Variants in ASTN2 observed in about 807,000 individuals in gnomAD.
ASTN2 encodes astrotactin 2, also known as astrotactin-2.
Under a neutral mutation model 139.8 loss-of-function variants are expected in ASTN2, and 54 were observed. The ratio of observed to expected loss-of-function variants is 0.39; its 90% confidence interval spans 0.31 to 0.48. The LOEUF (loss-of-function observed/expected upper bound fraction) is 0.48. Among genes scored for constraint, ASTN2 ranks in the 20% least tolerant of loss-of-function variants. The pLI is 0.95. For missense variants in ASTN2, 1,565 were observed against 1,725.1 expected (o/e 0.91, Z 1.64); for synonymous variants, 756 against 719.5 (o/e 1.05, Z -0.81).
At chr9:116,634,931 G>A (rs1857000044) in intron 17 of ASTN2, among the ~76,000 whole-genome samples, 1 of 151,658 alleles carries the variant, frequency 6.6e-6, no homozygotes, top group Non-Finnish European at 1.5e-5. Flanking sequence ...GAGGATTGGG[G>A]GAGAAAAAGA....
At chr9:117,198,788 C>A (rs1831599946) in intron 3 of ASTN2, among the ~76,000 whole-genome samples, 1 of 152,168 alleles carries the variant, frequency 6.6e-6, no homozygotes, top group Non-Finnish European at 1.5e-5. Context: ...CTCCATATCT[C>A]ATCAGCAACT....
intron 16 of ASTN2, among the ~76,000 whole-genome samples, chr9:116,672,174 G>A (rs950089378): frequency 1.3e-5 from 2 of 152,202 alleles, no homozygotes; most frequent in Middle Eastern, 3.4e-3. Flanking sequence ...AGGAGTTCAA[G>A]AACAGCCTGG....
intron 19 of ASTN2, among the ~76,000 whole-genome samples, chr9:116,530,657 T>C (rs781574598): frequency 2.6e-5 from 4 of 152,152 alleles, no homozygotes; most frequent in African/African-American, 7.2e-5. Context: ...GATGAATTAA[T>C]GAATAAATGA....
chr9:116,626,811 G>C (rs1167206344), intron 17 of ASTN2, among the ~76,000 whole-genome samples: 1 of 152,106 alleles, frequency 6.6e-6, no homozygotes, highest in East Asian at 1.9e-4. Context: ...CGGAATTGAT[G>C]AACACAGGAA....
At chr9:117,302,629 C>T (rs1198257422) in intron 1 of ASTN2, among the ~76,000 whole-genome samples, 1 of 152,130 alleles carries the variant, frequency 6.6e-6, no homozygotes. Flanking sequence ...ACCCAGGGGA[C>T]TCAGCATCTG....
Position 117,162,793 on chromosome 9 carries a change from G to A in ASTN2, c.1016-21315C>T, listed in dbSNP as rs139413425. 1.3e-4 allele frequency among the ~76,000 whole-genome samples: 20 copies of A among 152,136 alleles called. No homozygotes were observed. The East Asian group carries it at 2.7e-3, about 21-fold the overall frequency. ...AGTTATCAAAATCATCCTAAATTCC[G>A]TGGAATAAGGATGCCTGGAGGGGTG... On this transcript the variant is annotated intron_variant, in intron 3 of 22. Transcript: ENST00000313400.
intron 17 of ASTN2, among the ~76,000 whole-genome samples, chr9:116,624,576 T>C (rs1162835430): frequency 6.6e-6 from 1 of 151,866 alleles, no homozygotes; most frequent in Non-Finnish European, 1.5e-5. Flanking sequence ...AAACACCCTC[T>C]ACTTAAGATA....
intron 16 of ASTN2, among the ~76,000 whole-genome samples, chr9:116,667,817 G>GC (rs570452673): frequency 5.7e-5 from 8 of 139,890 alleles, no homozygotes; most frequent in South Asian, 2.4e-4. Flanking sequence ...CTATTTTCAT[G>GC]CCCCCCCACC....
intron 2 of ASTN2, among the ~76,000 whole-genome samples, chr9:117,215,768 A>G (rs1013659425): frequency 1.4e-4 from 22 of 152,146 alleles, no homozygotes; most frequent in African/African-American, 5.3e-4. Context: ...GTAGGCCCTC[A>G]TCACTTCTCT....
intron 21 of ASTN2, 91 bp from the exon 22 acceptor site, chr9:116,440,883 GA>G: frequency 7.6e-7 from 1 of 1,317,116 alleles, no homozygotes; most frequent in East Asian, 2.4e-5. Flanking sequence ...GCACAGTGGT[GA>G]GAAAGTTTGC....
intron 1 of ASTN2, among the ~76,000 whole-genome samples, chr9:117,344,227 A>G (rs1285949078): frequency 2.0e-5 from 3 of 152,146 alleles, no homozygotes; most frequent in Non-Finnish European, 4.4e-5. Context: ...ACAGGAGAAT[A>G]TTAAACCCTC....
chr9:117,334,827 G>A (rs976769716), intron 1 of ASTN2, among the ~76,000 whole-genome samples: 3 of 152,182 alleles, frequency 2.0e-5, no homozygotes, highest in African/African-American at 7.2e-5. Context: ...GCCGAGGCAG[G>A]TGGATCACCT....
intron 19 of ASTN2, among the ~76,000 whole-genome samples, chr9:116,539,192 A>C (rs1262537607): frequency 2.0e-5 from 3 of 152,134 alleles, no homozygotes; most frequent in Non-Finnish European, 4.4e-5. Context: ...TGAGGAAATA[A>C]GGGGAAAGTA....
At chr9:116,681,938 G>C (rs1366437468) in intron 16 of ASTN2, among the ~76,000 whole-genome samples, 1 of 151,136 alleles carries the variant, frequency 6.6e-6, no homozygotes. Flanking sequence ...GAAAACCTAG[G>C]CATTACCATT....
intron 2 of ASTN2, among the ~76,000 whole-genome samples, chr9:117,271,184 C>T (rs946469355): frequency 1.3e-5 from 2 of 152,144 alleles, no homozygotes; most frequent in African/African-American, 4.8e-5. Context: ...GCTGGGGACA[C>T]CTCATAATCA....
intron 13 of ASTN2, among the ~76,000 whole-genome samples, chr9:116,791,597 GAACA>G (rs1213267996): frequency 2.6e-5 from 4 of 152,206 alleles, no homozygotes; most frequent in African/African-American, 9.6e-5. Context: ...CAGCCATTAT[GAACA>G]AACAATCACT....
chr9:117,150,178 T>C (rs1295686814), intron 3 of ASTN2, among the ~76,000 whole-genome samples: 1 of 152,158 alleles, frequency 6.6e-6, no homozygotes, highest in African/African-American at 2.4e-5. Context: ...GGCTTCACAG[T>C]CCCTAGCCAG....
At chr9:116,712,278 T>A (rs1828184159) in intron 16 of ASTN2, among the ~76,000 whole-genome samples, 1 of 151,140 alleles carries the variant, frequency 6.6e-6, no homozygotes, top group African/African-American at 2.4e-5. Flanking sequence ...AATGCCCTTT[T>A]GGATCCACCT....
chr9:116,854,944 G>T (rs556336190), intron 11 of ASTN2, among the ~76,000 whole-genome samples: 3 of 151,208 alleles, frequency 2.0e-5, no homozygotes, highest in Non-Finnish European at 4.4e-5. Flanking sequence ...GAGCCACCGC[G>T]CCCGGCCTCC....
Sources: allele counts gnomAD v4.1 joint callset (sites outside exome capture counted in the v4.1 genomes callset), GRCh38; gene constraint gnomAD v4.1.1; transcripts MANE v1.5; gene names NCBI Gene and HGNC (gene_info 2026-07-23, HGNC 2026-07-21).